Variants in RANBP2 observed in about 807,000 individuals in gnomAD.
RANBP2 encodes the protein RAN binding protein 2, also known as E3 SUMO-protein ligase RanBP2.
In RANBP2, 57 loss-of-function variants were observed where a neutral mutation model predicts 303.6. That is an observed-to-expected ratio of 0.19 (90% CI 0.15 to 0.23). The LOEUF is 0.23. RANBP2 is among the 10% of genes least tolerant of loss of function. RANBP2 has a pLI of 1.00. For synonymous variants in RANBP2, 1,167 were observed against 1,301.5 expected (o/e 0.90, Z 2.23); for missense variants, 3,138 against 3,780.8 (o/e 0.83, Z 4.46).
intron 1 of RANBP2, among the ~76,000 whole-genome samples, chr2:108,720,445 C>T (rs1354016923): frequency 2.0e-5 from 3 of 151,638 alleles, no homozygotes; most frequent in East Asian, 1.9e-4. Context: ...GGGTATTTTT[C>T]CTCTTTACAT....
At chr2:108,956,921 TG>T in the RANBP2 span, among the ~76,000 whole-genome samples, 13 of 152,184 alleles carry the variant, frequency 8.5e-5, 1 homozygote, top group Admixed American at 8.5e-4. Context: ...CCCGAGTAGC[TG>T]GGATTACAGG....
At chr2:109,330,701 C>T in the RANBP2 span, among the ~76,000 whole-genome samples, 1 of 152,080 alleles carries the variant, frequency 6.6e-6, no homozygotes, top group Admixed American at 6.6e-5. Context: ...TGGATGGATA[C>T]ATGACGGATG....
At chr2:108,846,690 T>C in the RANBP2 span, 4 of 1,504,002 alleles carry the variant, frequency 2.7e-6, no homozygotes, top group East Asian at 2.3e-5. Flanking sequence ...AAAAAAGATA[T>C]ATTCTGAACA....
chr2:109,031,692 G>C, the RANBP2 span, among the ~76,000 whole-genome samples: 94 of 152,300 alleles, frequency 6.2e-4, no homozygotes, highest in Non-Finnish European at 1.0e-4. Context: ...CGGCCACGTG[G>C]GCCGGGCTCT....
At chr2:109,220,674 T>C in the RANBP2 span, among the ~76,000 whole-genome samples, 1 of 152,344 alleles carries the variant, frequency 6.6e-6, no homozygotes, top group South Asian at 2.1e-4. Flanking sequence ...AGATGCTTCA[T>C]GTCATTTGTT....
the RANBP2 span, among the ~76,000 whole-genome samples, chr2:109,021,193 T>C: frequency 6.6e-6 from 1 of 152,142 alleles, no homozygotes; most frequent in African/African-American, 2.4e-5. Flanking sequence ...CACCAAGTGA[T>C]AAGCAACACC....
the RANBP2 span, chr2:109,545,908 C>A: frequency 1.3e-5 from 19 of 1,444,978 alleles, no homozygotes; most frequent in African/African-American, 2.6e-4. Context: ...GGGACAAGGT[C>A]TCTCCTCTCC....
chr2:109,568,231 T>C, the RANBP2 span, among the ~76,000 whole-genome samples: 1 of 152,106 alleles, frequency 6.6e-6, no homozygotes, highest in African/African-American at 2.4e-5. Context: ...GCTGCTGCCA[T>C]AAACCACAGG....
At chr2:109,614,425 C>T in the RANBP2 span, 2 of 1,137,626 alleles carry the variant, frequency 1.8e-6, no homozygotes, top group Non-Finnish European at 2.2e-6. Flanking sequence ...GAGCCGGCCG[C>T]TGGGAGCCCG....
the RANBP2 span, among the ~76,000 whole-genome samples, chr2:109,719,892 T>C: frequency 1.3e-5 from 2 of 152,178 alleles, no homozygotes; most frequent in Non-Finnish European, 2.9e-5. Flanking sequence ...CAAAAATTCA[T>C]TTATTTCTCT....
the RANBP2 span, among the ~76,000 whole-genome samples, chr2:109,474,362 TGTAA>T: frequency 1.3e-5 from 2 of 152,184 alleles, no homozygotes; most frequent in African/African-American, 2.4e-5. Context: ...CCATTTGGGC[TGTAA>T]GTGTGAGCTA....
the RANBP2 span, among the ~76,000 whole-genome samples, chr2:109,047,762 T>C: frequency 6.6e-6 from 1 of 152,232 alleles, no homozygotes; most frequent in Non-Finnish European, 1.5e-5. Context: ...TGAGCTGAGA[T>C]TGCGCCATTG....
intron 18 of RANBP2, among the ~76,000 whole-genome samples, chr2:108,760,449 T>C (rs1257017292): frequency 1.3e-5 from 2 of 152,182 alleles, no homozygotes; most frequent in Non-Finnish European, 2.9e-5. Flanking sequence ...TGTTCCTTTA[T>C]TTATGTTGTT....
At chr2:109,165,063 G>A in the RANBP2 span, among the ~76,000 whole-genome samples, 1 of 152,290 alleles carries the variant, frequency 6.6e-6, no homozygotes, top group South Asian at 2.1e-4. Context: ...TGTTGGCAGT[G>A]GGCCTGGACA....
At chr2:109,353,686 T>C in the RANBP2 span, among the ~76,000 whole-genome samples, 1 of 151,708 alleles carries the variant, frequency 6.6e-6, no homozygotes, top group Admixed American at 6.6e-5. Context: ...AACCCTAGAC[T>C]GCGTGCCCAA....
chr2:109,071,762 A>C, the RANBP2 span, among the ~76,000 whole-genome samples: 1 of 152,146 alleles, frequency 6.6e-6, no homozygotes, highest in Non-Finnish European at 1.5e-5. Context: ...CCAGAAATGA[A>C]GATTTGGGAT....
At chr2:108,983,500 G>A in the RANBP2 span, among the ~76,000 whole-genome samples, 2 of 152,060 alleles carry the variant, frequency 1.3e-5, no homozygotes, top group East Asian at 3.9e-4. Context: ...AGCATTCCCC[G>A]TGGCCTTCCA....
chr2:109,618,941 T>G, the RANBP2 span: 3 of 167,096 alleles, frequency 1.8e-5, no homozygotes, highest in Admixed American at 1.3e-4. Context: ...TTTGGGAGAT[T>G]GTAAAATCTG....
chr2:109,039,547 T>C, the RANBP2 span, among the ~76,000 whole-genome samples: 1,035 of 152,160 alleles, frequency 6.8e-3, 6 homozygotes, highest in East Asian at 0.035. Context: ...GTCAGGGTTT[T>C]ACCATGTTGG....
Sources: allele counts gnomAD v4.1 joint callset (sites outside exome capture counted in the v4.1 genomes callset), GRCh38; gene constraint gnomAD v4.1.1; transcripts MANE v1.5; gene names NCBI Gene and HGNC (gene_info 2026-07-23, HGNC 2026-07-21).